The following RUFY2 variants were observed in gnomAD, a reference collection of about 807,000 sequenced individuals.
RUFY2 encodes RUN and FYVE domain-containing protein 2.
A neutral mutation model predicts 94.4 loss-of-function variants in RUFY2; 49 were observed. That is an observed-to-expected ratio of 0.52 (90% CI 0.41 to 0.66). RUFY2 has a LOEUF of 0.66. Among genes scored for constraint, RUFY2 ranks in the 30% least tolerant of loss-of-function variants. RUFY2 has a pLI of 0.00. For missense variants in RUFY2, 541 were observed against 692.8 expected (o/e 0.78, Z 2.46); for synonymous variants, 255 against 235.7 (o/e 1.08, Z -0.75).
At chr10:68,380,685 A>T (rs2048994271) in intron 11 of RUFY2, among the ~76,000 whole-genome samples, 1 of 152,094 alleles carries the variant, frequency 6.6e-6, no homozygotes, top group Non-Finnish European at 1.5e-5. Flanking sequence ...AACATTGTGA[A>T]ACCCCATCTC....
intron 12 of RUFY2, chr10:68,377,621 A>C (rs941398129): frequency 6.3e-5 from 62 of 985,260 alleles, no homozygotes; most frequent in Admixed American, 1.2e-4. Context: ...ACCATTTAAT[A>C]TTAAAAATTA....
At chr10:68,348,442 A>T (rs554144465) in intron 16 of RUFY2, among the ~76,000 whole-genome samples, 1 of 151,322 alleles carries the variant, frequency 6.6e-6, no homozygotes, top group South Asian at 2.1e-4. Flanking sequence ...GCTTAAACCC[A>T]TATGTTCAAG....
intron 8 of RUFY2, among the ~76,000 whole-genome samples, chr10:68,384,367 CTACT>C (rs1416151410): frequency 6.6e-6 from 1 of 152,026 alleles, no homozygotes; most frequent in Non-Finnish European, 1.5e-5. Flanking sequence ...TGAATTATTC[CTACT>C]ATTTTCTTTT....
chr10:68,342,496 C>T (rs2046025853), downstream of RUFY2: 1 of 154,170 alleles, frequency 6.5e-6, no homozygotes, highest in South Asian at 2.0e-4. Flanking sequence ...TCCTGGACAA[C>T]ACTGTAAATA....
Position 68,394,349 on chromosome 10 carries a change from C to T in RUFY2, c.501G>A (p.Lys167=), listed in dbSNP as rs779654690. 2 of 1,613,960 alleles carry T rather than the reference C, an allele frequency of 1.2e-6. No individual in the cohort carries two copies. Among genetic ancestry groups the T allele is most frequent in the South Asian group, 2.2e-5 (2 of 91,076 alleles). Residue 167 remains lysine (K), a synonymous_variant, in exon 5 of 18, where the codon AAG becomes AAA. Transcript: ENST00000602465. ...TTACTTGTGAGTCTAAATCCTCTCC[C>T]TTCACACACAGATTAGCATCGATCA... The part of the protein sequence containing the change: ...LNVIDANLCV[K]GEDLDSQVGV...
rs551685711 is a variant in RUFY2 at position 68,368,110 on chromosome 10, C to T, written c.1326-3997G>A. On this transcript the variant is annotated intron_variant, in intron 13 of 17. Transcript: ENST00000602465. ...CCTTCTGAGTAGCTGGGATTACAGG[C>T]GCCTGCCACCATGCCCAGCTAATTT... 3.0e-4 allele frequency among the ~76,000 whole-genome samples: 45 copies of T among 151,606 alleles called. 1 individual carries two copies. The highest frequency in any genetic ancestry group is 1.0e-3 in the African/African-American group (42 of 41,406).
Position 68,345,417 on chromosome 10 carries a change from A to G in RUFY2, c.*351T>C. ...CTGTGAAGCTTTAAAGTGCATTAAG[A>G]GAACTGCAGGCACCATCAAATACCA... On this transcript the variant is annotated 3_prime_UTR_variant, in exon 18 of 18. Transcript: ENST00000602465. 2.5e-6 allele frequency: 1 copy of G among 398,006 alleles called. No homozygotes were observed. Among genetic ancestry groups the G allele is most frequent in the Non-Finnish European group, 4.4e-6 (1 of 226,120 alleles). The allele number at this position is 398,006 out of a possible 1,614,324, so 24.7% of individuals were successfully genotyped here. A position where few individuals can be genotyped will look rare whatever the true frequency, so the allele number is the denominator to read the frequency against.
chr10:68,359,369 C>T (rs1375860836), intron 15 of RUFY2, among the ~76,000 whole-genome samples: 1 of 148,470 alleles, frequency 6.7e-6, no homozygotes, highest in South Asian at 2.1e-4. Context: ...TATACATATA[C>T]GTATATATGT....
intron 15 of RUFY2, among the ~76,000 whole-genome samples, chr10:68,362,413 A>G (rs1486537297): frequency 1.3e-5 from 2 of 152,068 alleles, no homozygotes; most frequent in African/African-American, 4.8e-5. Flanking sequence ...ACTAAATTAA[A>G]CCCTCTTGAG....
chr10:68,392,432 T>G (rs776234665), intron 7 of RUFY2, among the ~76,000 whole-genome samples: 1 of 152,146 alleles, frequency 6.6e-6, no homozygotes, highest in South Asian at 2.1e-4. Context: ...AATGACCAGT[T>G]GACAATGTAA....
At chr10:68,341,290 T>C (rs2045916656), downstream of RUFY2, 1 of 1,600,734 alleles carries the variant, frequency 6.2e-7, no homozygotes, top group Middle Eastern at 1.7e-4. Flanking sequence ...CTGCCATGTC[T>C]AAAGATAAAA....
At chr10:68,341,541 C>T (rs199625824), downstream of RUFY2, 15 of 1,312,112 alleles carry the variant, frequency 1.1e-5, no homozygotes, top group Middle Eastern at 1.9e-4. Flanking sequence ...GAATTTTATC[C>T]ATCATTCCTT....
rs1352762478 is a variant in RUFY2 at position 68,344,468 on chromosome 10, A to G, written c.*1300T>C. 2.6e-5 allele frequency: 4 copies of G among 152,222 alleles called. No individual in the cohort carries two copies. Among genetic ancestry groups the G allele is most frequent in the Non-Finnish European group, 4.4e-5 (3 of 68,040 alleles). 9.4% of individuals were successfully genotyped at this position (152,222 alleles called of 1,614,324 possible). A position where few individuals can be genotyped will look rare whatever the true frequency, so the allele number is the denominator to read the frequency against. On this transcript the variant is annotated 3_prime_UTR_variant, in exon 18 of 18. Transcript: ENST00000602465. ...TTATGTAACTATTCAGAGGTAATTT[A>G]TACAAGTTAAATTCTTAGTATGCCA...
chr10:68,350,617 AGAG>A (rs2046594533), intron 16 of RUFY2, among the ~76,000 whole-genome samples: 1 of 152,354 alleles, frequency 6.6e-6, no homozygotes, highest in Admixed American at 6.5e-5. Context: ...GATGCCATAA[AGAG>A]GAGAGTGCAA....
At chr10:68,406,675 G>A in intron 1 of RUFY2, 1 of 1,323,284 alleles carries the variant, frequency 7.6e-7, no homozygotes, top group Non-Finnish European at 1.0e-6. Context: ...CCCCTTCCCT[G>A]CCTCTCTTCC....
intron 7 of RUFY2, among the ~76,000 whole-genome samples, chr10:68,392,547 C>A (rs1284646538): frequency 6.6e-6 from 1 of 152,044 alleles, no homozygotes; most frequent in East Asian, 1.9e-4. Context: ...CTGATACAAA[C>A]TTTTACCTTA....
At chr10:68,387,713 T>C (rs926002406) in intron 7 of RUFY2, among the ~76,000 whole-genome samples, 12 of 140,498 alleles carry the variant, frequency 8.5e-5, no homozygotes, top group African/African-American at 1.8e-4. Context: ...ACCTTGAAAG[T>C]TGTAAAACCA....
At chr10:68,382,352 G>A (rs992991501) in intron 10 of RUFY2, among the ~76,000 whole-genome samples, 3 of 151,276 alleles carry the variant, frequency 2.0e-5, no homozygotes, top group Admixed American at 1.3e-4. Flanking sequence ...CACCGTGCCC[G>A]GCCAACACAG....
intron 13 of RUFY2, 48 bp downstream of exon 13, chr10:68,376,805 G>A: frequency 6.5e-7 from 1 of 1,529,350 alleles, no homozygotes; most frequent in East Asian, 2.3e-5. Context: ...AAAAAAATGA[G>A]GGGGTTATGT....
Sources: allele counts gnomAD v4.1 joint callset (sites outside exome capture counted in the v4.1 genomes callset), GRCh38; gene constraint gnomAD v4.1.1; transcripts MANE v1.5; gene names NCBI Gene and HGNC (gene_info 2026-07-23, HGNC 2026-07-21).